The following CIP2A variants were observed in gnomAD, a reference collection of about 807,000 sequenced individuals.
CIP2A encodes cellular inhibitor of PP2A, also known as protein CIP2A.
CIP2A carries 103 observed loss-of-function variants against 110.9 expected under a neutral mutation model. That is an observed-to-expected ratio of 0.93 (90% CI 0.79 to 1.09). The LOEUF is 1.09. Ranked by LOEUF, CIP2A falls within the 50% of genes least tolerant of loss-of-function variation. The pLI, the probability that CIP2A is intolerant of heterozygous loss-of-function variation, is 0.00. For missense variants in CIP2A, 1,088 were observed against 1,038.4 expected (o/e 1.05, Z -0.66); for synonymous variants, 381 against 361.6 (o/e 1.05, Z -0.61).
intron 8 of CIP2A, among the ~76,000 whole-genome samples, chr3:108,570,363 A>G (rs1181249829): frequency 1.3e-5 from 2 of 152,132 alleles, no homozygotes; most frequent in Non-Finnish European, 2.9e-5. Flanking sequence ...GTCCATTAGC[A>G]TTTACTATAA....
At chr3:108,579,887 AAG>A (rs1356259334) in intron 5 of CIP2A, among the ~76,000 whole-genome samples, 199 bp from the exon 6 acceptor site, 1 of 152,314 alleles carries the variant, frequency 6.6e-6, no homozygotes, top group Non-Finnish European at 1.5e-5. Context: ...AATTGTTATA[AAG>A]AGAGTACCTA....
intron 8 of CIP2A, among the ~76,000 whole-genome samples, chr3:108,572,562 C>T (rs1470591166): frequency 1.3e-5 from 2 of 151,164 alleles, no homozygotes; most frequent in East Asian, 3.9e-4. Flanking sequence ...ACTGCACTGT[C>T]TTTAGACTAA....
intron 8 of CIP2A, among the ~76,000 whole-genome samples, chr3:108,573,803 A>G (rs1042438291): frequency 6.6e-6 from 1 of 152,190 alleles, no homozygotes; most frequent in Non-Finnish European, 1.5e-5. Flanking sequence ...CTTTTAGATC[A>G]TTGTTGCAAA....
intron 4 of CIP2A, 69 bp downstream of exon 4, chr3:108,582,039 C>G (rs549785015): frequency 1.9e-5 from 13 of 694,264 alleles, no homozygotes; most frequent in Non-Finnish European, 2.9e-5. Flanking sequence ...AAAAATTAAT[C>G]TACCACATGG....
intron 2 of CIP2A, among the ~76,000 whole-genome samples, chr3:108,583,347 C>T (rs1938946861): frequency 6.6e-6 from 1 of 152,022 alleles, no homozygotes; most frequent in Admixed American, 6.6e-5. Context: ...AAATTAAAAT[C>T]ATTTACTTTG....
At chr3:108,563,342 T>C in intron 12 of CIP2A, 98 bp from the exon 13 acceptor site, 1 of 734,514 alleles carries the variant, frequency 1.4e-6, no homozygotes, top group Non-Finnish European at 2.4e-6. Flanking sequence ...ATCTTAATTC[T>C]AGGCAAATTC....
intron 17 of CIP2A, among the ~76,000 whole-genome samples, chr3:108,555,247 G>A (rs1271808093): frequency 2.0e-5 from 3 of 152,102 alleles, no homozygotes; most frequent in South Asian, 4.1e-4. Flanking sequence ...CTATCTCTTA[G>A]GTTCTCTATG....
chr3:108,560,113 T>C lies in CIP2A; in HGVS notation c.1828-85A>G, dbSNP rs1338387981. On this transcript the variant is annotated intron_variant, in intron 14 of 20. Transcript: ENST00000295746. ...AATAAATGCCTACTTCAAAACTAAATCATTAAAACTTAATGATGAGTAACA... is the reference window on the plus strand; with the variant it reads ...AATAAATGCCTACTTCAAAACTAAACCATTAAAACTTAATGATGAGTAACA... 4.2e-6 allele frequency: 3 copies of C among 718,574 alleles called. No homozygotes were observed. The African/African-American group carries it at 5.5e-5, about 13-fold the overall frequency. 44.5% of individuals were successfully genotyped at this position (718,574 alleles called of 1,614,324 possible).
Position 108,553,741 on chromosome 3 carries a change from T to C in CIP2A, c.2325-11A>G. ...AATTGGGCAATACTTCTGAAGTTATTAAAAAAAATAGAAGAAAACATTAAT... is the reference window on the plus strand; with the variant it reads ...AATTGGGCAATACTTCTGAAGTTATCAAAAAAAATAGAAGAAAACATTAAT... On this transcript the variant is annotated splice_polypyrimidine_tract_variant and intron_variant, in intron 18 of 20. Transcript: ENST00000295746. 1 of 1,485,888 alleles carries C rather than the reference T, an allele frequency of 6.7e-7. No individual in the cohort carries two copies. The highest frequency in any genetic ancestry group is 9.3e-7 in the Non-Finnish European group (1 of 1,076,122). 92.0% of individuals were successfully genotyped at this position (1,485,888 alleles called of 1,614,324 possible).
intron 11 of CIP2A, 106 bp from the exon 12 acceptor site, chr3:108,565,560 T>A (rs2107329887): frequency 1.7e-6 from 1 of 596,076 alleles, no homozygotes; most frequent in East Asian, 3.0e-5. Context: ...TTGTGTTTTT[T>A]AAATTCAAGA....
At chr3:108,576,147 G>C (rs1160842483) in intron 8 of CIP2A, 124 bp downstream of exon 8, 6 of 567,270 alleles carry the variant, frequency 1.1e-5, no homozygotes, top group African/African-American at 2.0e-5. Flanking sequence ...CTACATAATT[G>C]TGTCCCTATT....
At position 108,553,154 on chromosome 3, in the gene CIP2A, G is replaced by A. The variant is rs1382438570; in HGVS notation, c.2407+494C>T. 8.7e-5 allele frequency among the ~76,000 whole-genome samples: 6 copies of A among 69,104 alleles called. No individual in the cohort carries two copies. The Admixed American group carries it at 9.0e-4, about 10-fold the overall frequency. The allele number at this position is 69,104 out of a possible 152,430, so 45.3% of individuals were successfully genotyped here. ...TTTTTTTTTTTTTTTTTTTGAGACA[G>A]TCTTGCTTTGTCACCCAGGTTGGAG... On this transcript the variant is annotated intron_variant, in intron 19 of 20. Transcript: ENST00000295746.
intron 5 of CIP2A, among the ~76,000 whole-genome samples, chr3:108,580,292 A>G (rs1454125828): frequency 6.6e-6 from 1 of 152,220 alleles, no homozygotes; most frequent in Non-Finnish European, 1.5e-5. Context: ...AGTTTCGTAT[A>G]TTGCTGACAG....
chr3:108,579,668 A>T lies in CIP2A; in HGVS notation c.570T>A (p.Tyr190Ter). 6.4e-7 allele frequency: 1 copy of T among 1,573,646 alleles called. No homozygotes were observed. The highest frequency in any genetic ancestry group is 8.6e-7 in the Non-Finnish European group (1 of 1,164,454). ...GGGCCAACAAGGTGATAAGAGTTCG[A>T]TAAAAAGATTTCACATTACTCTGAG... is the stretch of plus-strand genomic sequence containing the variant. ...IKTLSNVKSF[Y>*]RTLITLLAHS... is the part of the protein sequence containing the mutation. The change falls in exon 6 of 21, where the codon TAT becomes TAA. Residue 190 changes from tyrosine (Y) to a stop codon, truncating the protein, a stop_gained. Coordinates refer to ENST00000295746, the MANE Select transcript of CIP2A (RefSeq NM_020890.3). LOFTEE classifies it high-confidence loss of function.
intron 1 of CIP2A, 142 bp from the exon 2 acceptor site, chr3:108,585,354 AC>A (rs1939010569): frequency 4.4e-6 from 3 of 676,112 alleles, no homozygotes; most frequent in Non-Finnish European, 7.2e-6. Flanking sequence ...TGAAAAATTC[AC>A]CCCTGCCTAG....
At chr3:108,566,749 T>C in intron 10 of CIP2A, 111 bp from the exon 11 acceptor site, 2 of 618,998 alleles carry the variant, frequency 3.2e-6, no homozygotes, top group Middle Eastern at 4.5e-4. Flanking sequence ...AGTATAATTA[T>C]TGTTAAATTA....
At chr3:108,577,056 G>A (rs573058010) in intron 7 of CIP2A, among the ~76,000 whole-genome samples, 6 of 152,226 alleles carry the variant, frequency 3.9e-5, no homozygotes, top group Non-Finnish European at 8.8e-5. Context: ...GCATATAAGA[G>A]AGAAAGTATT....
At chr3:108,553,772 A>G in intron 18 of CIP2A, 42 bp from the exon 19 acceptor site, 9 of 1,490,236 alleles carry the variant, frequency 6.0e-6, no homozygotes, top group South Asian at 1.2e-5. Flanking sequence ...TTAATGAACC[A>G]TATACCATTT....
intron 1 of CIP2A, among the ~76,000 whole-genome samples, chr3:108,587,942 G>T (rs1287057135): frequency 6.6e-6 from 1 of 151,890 alleles, no homozygotes; most frequent in Non-Finnish European, 1.5e-5. Context: ...CCACGCCCAG[G>T]TAATTTTTGT....
Sources: gnomAD v4.1 joint callset for allele counts (sites outside exome capture counted in the v4.1 genomes callset) on GRCh38, gnomAD v4.1.1 for gene constraint, MANE v1.5 for transcripts, NCBI Gene and HGNC (gene_info 2026-07-23, HGNC 2026-07-21) for gene names.